Variants in ABLIM1 observed in about 807,000 individuals in gnomAD.
ABLIM1 encodes the protein actin binding LIM protein 1.
A neutral mutation model predicts 107.0 loss-of-function variants in ABLIM1; 40 were observed. The observed-to-expected ratio is 0.37, with a 90% CI of 0.29 to 0.49. The LOEUF is 0.49. Among genes scored for constraint, ABLIM1 ranks in the 20% least tolerant of loss-of-function variants. ABLIM1 has a pLI of 0.97. For missense variants in ABLIM1, 857 were observed against 1,008.5 expected (o/e 0.85, Z 2.04); for synonymous variants, 357 against 357.3 (o/e 1.00, Z 0.01).
At chr10:114,437,728 G>T in intron 22 of ABLIM1, 116 bp downstream of exon 22, 1 of 840,898 alleles carries the variant, frequency 1.2e-6, no homozygotes, top group Non-Finnish European at 1.9e-6. Flanking sequence ...TGACATGAGG[G>T]TGATCTTTAT....
At chr10:114,548,864 C>T (rs1416316292) in intron 4 of ABLIM1, among the ~76,000 whole-genome samples, 1 of 152,208 alleles carries the variant, frequency 6.6e-6, no homozygotes, top group Non-Finnish European at 1.5e-5. Flanking sequence ...CACTTAGTGG[C>T]CAGGTTTGGA....
At chr10:114,670,581 A>C (rs1389666549) in intron 1 of ABLIM1, among the ~76,000 whole-genome samples, 5 of 151,624 alleles carry the variant, frequency 3.3e-5, no homozygotes, top group African/African-American at 9.7e-5. Flanking sequence ...GCAACCTCCG[A>C]CTCCCGGCTC....
rs559457413 is a variant in ABLIM1 at position 114,750,636 on chromosome 10, T to G, written c.-213+17425A>C. 6.4e-4 allele frequency among the ~76,000 whole-genome samples: 97 copies of G among 152,328 alleles called. 3 individuals carry two copies. The South Asian group carries it at 0.019, about 30-fold the overall frequency. ...CTATAAAACATCTTTCTCCCAGCATTTTAACAAATGAAATATGTGTCCACT... is the reference window on the plus strand; with the variant it reads ...CTATAAAACATCTTTCTCCCAGCATGTTAACAAATGAAATATGTGTCCACT... On this transcript the variant is annotated intron_variant, in intron 1 of 15. Transcript: ENST00000651092.
chr10:114,562,119 T>C (rs1010227728), intron 4 of ABLIM1, among the ~76,000 whole-genome samples: 4 of 152,206 alleles, frequency 2.6e-5, no homozygotes, highest in Admixed American at 6.5e-5. Flanking sequence ...CCACACCAGG[T>C]CACCCCTCCT....
chr10:114,454,797 TA>T (rs1157121539), intron 12 of ABLIM1, among the ~76,000 whole-genome samples: 6 of 152,162 alleles, frequency 3.9e-5, no homozygotes, highest in Non-Finnish European at 7.4e-5. Flanking sequence ...AATAAATTAG[TA>T]GGGGTAATGA....
chr10:114,686,167 A>G (rs981534063), upstream of ABLIM1, among the ~76,000 whole-genome samples: 5 of 152,036 alleles, frequency 3.3e-5, no homozygotes, highest in Non-Finnish European at 4.4e-5. Context: ...TAGTCCTCCA[A>G]ATTTGACTTG....
intron 12 of ABLIM1, among the ~76,000 whole-genome samples, chr10:114,461,794 G>A (rs986868184): frequency 6.6e-6 from 1 of 151,938 alleles, no homozygotes; most frequent in African/African-American, 2.4e-5. Flanking sequence ...ACTCCAGCCT[G>A]GGTGACAGAG....
chr10:114,441,564 A>G (rs2060200518), intron 18 of ABLIM1, among the ~76,000 whole-genome samples, 158 bp downstream of exon 18: 1 of 152,122 alleles, frequency 6.6e-6, no homozygotes, highest in Non-Finnish European at 1.5e-5. Flanking sequence ...TTTGCCTGTA[A>G]CTCAAATTAA....
chr10:114,626,279 G>A (rs1045148162), intron 1 of ABLIM1, among the ~76,000 whole-genome samples: 3 of 152,172 alleles, frequency 2.0e-5, no homozygotes, highest in Non-Finnish European at 4.4e-5. Context: ...AAAGGGTGCT[G>A]GACCCAGCAG....
At chr10:114,564,864 C>A (rs1372726841) in intron 4 of ABLIM1, among the ~76,000 whole-genome samples, 1 of 152,080 alleles carries the variant, frequency 6.6e-6, no homozygotes, top group African/African-American at 2.4e-5. Context: ...GGCTCAAGTT[C>A]CTGGCTCATA....
intron 8 of ABLIM1, among the ~76,000 whole-genome samples, chr10:114,478,833 T>A (rs766530416): frequency 2.6e-5 from 4 of 152,252 alleles, no homozygotes; most frequent in Non-Finnish European, 4.4e-5. Flanking sequence ...CTCCTAAGTT[T>A]ATGGTAAAAT....
chr10:114,677,848 G>A (rs935851259), intron 1 of ABLIM1, among the ~76,000 whole-genome samples: 2 of 152,154 alleles, frequency 1.3e-5, no homozygotes, highest in Non-Finnish European at 2.9e-5. Flanking sequence ...GAGTAAACTG[G>A]TATTAAAGAT....
At chr10:114,715,952 A>G (rs1336128247) in intron 1 of ABLIM1, among the ~76,000 whole-genome samples, 2 of 152,190 alleles carry the variant, frequency 1.3e-5, no homozygotes, top group African/African-American at 4.8e-5. Flanking sequence ...TTGTCCTAAG[A>G]GTTAGGGACA....
intron 4 of ABLIM1, among the ~76,000 whole-genome samples, chr10:114,557,657 C>T (rs2483543): frequency 0.37 from 53,604 of 144,092 alleles, 13,186 homozygotes; most frequent in African/African-American, 0.7. Flanking sequence ...GACCCAATAG[C>T]TCCATAGTGA....
At chr10:114,624,439 T>C (rs1273196047) in intron 1 of ABLIM1, among the ~76,000 whole-genome samples, 1 of 152,230 alleles carries the variant, frequency 6.6e-6, no homozygotes, top group East Asian at 1.9e-4. Flanking sequence ...TTGTCGTTCT[T>C]TAAAAGAAAC....
intron 1 of ABLIM1, among the ~76,000 whole-genome samples, chr10:114,654,728 G>A (rs757836750): frequency 1.3e-4 from 20 of 152,152 alleles, no homozygotes; most frequent in Non-Finnish European, 1.9e-4. Flanking sequence ...ACCTGGGATC[G>A]CTGGGGCCAG....
the ABLIM1 span, among the ~76,000 whole-genome samples, chr10:114,775,295 A>G: frequency 2.0e-5 from 3 of 152,132 alleles, no homozygotes; most frequent in African/African-American, 4.8e-5. Context: ...TCGAGATGAG[A>G]TTTGGGTGGG....
intron 1 of ABLIM1, among the ~76,000 whole-genome samples, chr10:114,741,462 T>G (rs2082287131): frequency 6.6e-6 from 1 of 151,898 alleles, no homozygotes. Context: ...TCTGACCTCG[T>G]GATCCGCCCG....
At chr10:114,646,274 A>C (rs2079009293) in intron 1 of ABLIM1, among the ~76,000 whole-genome samples, 1 of 152,208 alleles carries the variant, frequency 6.6e-6, no homozygotes, top group Admixed American at 6.5e-5. Context: ...TTGGCCATTA[A>C]ATTTGCACAC....
Sources: allele counts gnomAD v4.1 joint callset (sites outside exome capture counted in the v4.1 genomes callset), GRCh38; gene constraint gnomAD v4.1.1; transcripts MANE v1.5; gene names NCBI Gene and HGNC (gene_info 2026-07-23, HGNC 2026-07-21).